Variants in PRKN observed in about 807,000 individuals in gnomAD.
The protein encoded by PRKN is parkin RBR E3 ubiquitin protein ligase.
Under a neutral mutation model 59.5 loss-of-function variants are expected in PRKN, and 56 were observed. That is an observed-to-expected ratio of 0.94 (90% CI 0.76 to 1.18). The LOEUF (loss-of-function observed/expected upper bound fraction) is 1.18. PRKN is among the 50% of genes most tolerant of loss of function. The pLI, the probability that PRKN is intolerant of heterozygous loss-of-function variation, is 0.00. For missense variants in PRKN, 657 were observed against 596.4 expected (o/e 1.10, Z -1.06); for synonymous variants, 250 against 222.1 (o/e 1.13, Z -1.12).
At position 162,663,567 on chromosome 6, in the gene PRKN, G is replaced by A. The variant is rs113363377; in HGVS notation, c.7+64095C>T. 5.1e-3 allele frequency among the ~76,000 whole-genome samples: 781 copies of A among 152,196 alleles called. 7 individuals carry two copies. Among genetic ancestry groups the A allele is most frequent in the African/African-American group, 0.017 (713 of 41,504 alleles). ...TTTTAAAATGTTTTTTAAGACAGGT[G>A]TTAAAAATTACTATGATTAGATTAG... On this transcript the variant is annotated intron_variant, in intron 1 of 11. Transcript: ENST00000366898.
intron 1 of PRKN, among the ~76,000 whole-genome samples, chr6:162,528,077 G>A (rs1778360760): frequency 5.7e-5 from 3 of 53,066 alleles, no homozygotes; most frequent in Admixed American, 1.7e-4. Context: ...GCGGGGGGGC[G>A]GGAGGGGTGC....
At chr6:162,147,147 G>A (rs1282265396) in intron 4 of PRKN, among the ~76,000 whole-genome samples, 1 of 150,722 alleles carries the variant, frequency 6.6e-6, no homozygotes, top group African/African-American at 2.4e-5. Flanking sequence ...TCAAGACAAG[G>A]CTGGCCAATA....
chr6:162,692,109 C>T (rs1022685366), intron 1 of PRKN, among the ~76,000 whole-genome samples: 2 of 151,634 alleles, frequency 1.3e-5, no homozygotes, highest in Non-Finnish European at 2.9e-5. Context: ...TTGCCCATGC[C>T]TATGCCTGCA....
intron 3 of PRKN, among the ~76,000 whole-genome samples, chr6:162,213,879 T>C (rs957518379): frequency 2.9e-5 from 4 of 139,932 alleles, no homozygotes; most frequent in African/African-American, 1.1e-4. Context: ...TAAGAAGTAA[T>C]AGAGTCTTAT....
At chr6:161,634,256 C>T (rs959131687) in intron 7 of PRKN, among the ~76,000 whole-genome samples, 1 of 152,158 alleles carries the variant, frequency 6.6e-6, no homozygotes, top group African/African-American at 2.4e-5. Flanking sequence ...AGTAGACACC[C>T]CTGGTGAGCG....
intron 7 of PRKN, among the ~76,000 whole-genome samples, chr6:161,649,091 T>C (rs1409712455): frequency 6.6e-6 from 1 of 152,232 alleles, no homozygotes; most frequent in Non-Finnish European, 1.5e-5. Context: ...AAAGCATTGC[T>C]ACATTTGTCA....
At chr6:162,000,627 T>C (rs1039088064) in intron 5 of PRKN, among the ~76,000 whole-genome samples, 45 of 152,212 alleles carry the variant, frequency 3.0e-4, no homozygotes, top group African/African-American at 1.1e-3. Context: ...ACAGCTGCTT[T>C]TCAAAGAGCT....
chr6:162,098,571 A>G (rs1448475476), intron 4 of PRKN, among the ~76,000 whole-genome samples: 1 of 152,106 alleles, frequency 6.6e-6, no homozygotes, highest in African/African-American at 2.4e-5. Context: ...CTTCATCAAC[A>G]TTTATTTGTA....
At chr6:161,596,286 T>C (rs1781910889) in intron 7 of PRKN, among the ~76,000 whole-genome samples, 1 of 152,130 alleles carries the variant, frequency 6.6e-6, no homozygotes, top group South Asian at 2.1e-4. Context: ...GAGAAACACA[T>C]TACTATGGTT....
chr6:161,831,564 A>G (rs1792499675), intron 6 of PRKN, among the ~76,000 whole-genome samples: 1 of 152,212 alleles, frequency 6.6e-6, no homozygotes, highest in South Asian at 2.1e-4. Context: ...TTTCAAGATG[A>G]TCAACAGTGA....
At chr6:162,120,074 G>T (rs943422991) in intron 4 of PRKN, among the ~76,000 whole-genome samples, 1 of 152,178 alleles carries the variant, frequency 6.6e-6, no homozygotes, top group Non-Finnish European at 1.5e-5. Context: ...CTGGAGCTCA[G>T]TGGCGAGACT....
In PRKN at chr6:161,569,512, C is replaced by T. The variant is rs73782939; in HGVS notation, c.872-96G>A. 1,355 of 1,064,400 alleles carry T rather than the reference C, an allele frequency of 1.3e-3. 21 individuals carry two copies. The African/African-American group carries it at 0.019, about 15-fold the overall frequency. The allele number at this position is 1,064,400 out of a possible 1,614,324, so 65.9% of individuals were successfully genotyped here. On this transcript the variant is annotated intron_variant, in intron 7 of 11. Transcript: ENST00000366898. ...TTATGACTATCAACTGCCAGTGTTG[C>T]CTTTTGGGAGGACACAGACGTGTAC...
At chr6:161,541,913 T>C (rs181614052) in intron 9 of PRKN, among the ~76,000 whole-genome samples, 25 of 152,272 alleles carry the variant, frequency 1.6e-4, no homozygotes, top group Admixed American at 1.6e-3. Context: ...TAGTGGTCTG[T>C]GTTGGGTTAA....
At chr6:161,873,472 C>T (rs1166966957) in intron 6 of PRKN, among the ~76,000 whole-genome samples, 1 of 151,442 alleles carries the variant, frequency 6.6e-6, no homozygotes, top group Non-Finnish European at 1.5e-5. Flanking sequence ...AAATACAATG[C>T]GTATCGGACT....
rs890064454 is a variant in PRKN, at chr6:161,592,826, G to A, written c.872-23410C>T. ...GGGTGCCGCCAGGATAGGAGGGCTGGCGGGAGAGGCAGGAGGTCACCGCAG... is the reference window on the plus strand; with the variant it reads ...GGGTGCCGCCAGGATAGGAGGGCTGACGGGAGAGGCAGGAGGTCACCGCAG... On this transcript the variant is annotated intron_variant, in intron 7 of 11. Coordinates refer to ENST00000366898, the MANE Select transcript of PRKN (RefSeq NM_004562.3). The surrounding 1 kb of genome is among the most constrained non-coding windows in gnomAD (Gnocchi z 4.8). 1.3e-5 allele frequency among the ~76,000 whole-genome samples: 2 copies of A among 152,152 alleles called. No individual in the cohort carries two copies. Among genetic ancestry groups the A allele is most frequent in the Non-Finnish European group, 2.9e-5 (2 of 68,026 alleles).
At chr6:162,099,166 A>C (rs1386357913) in intron 4 of PRKN, among the ~76,000 whole-genome samples, 1 of 152,176 alleles carries the variant, frequency 6.6e-6, no homozygotes, top group Non-Finnish European at 1.5e-5. Context: ...CTTTAAATTC[A>C]GCTTGAGGTT....
chr6:162,265,719 T>C (rs1780099167), intron 2 of PRKN, among the ~76,000 whole-genome samples: 1 of 152,140 alleles, frequency 6.6e-6, no homozygotes, highest in South Asian at 2.1e-4. Context: ...CTTCTACCTG[T>C]TCACACATGG....
chr6:162,237,524 CT>C lies in PRKN; in HGVS notation c.412+25000del, dbSNP rs200786914. On this transcript the variant is annotated intron_variant, in intron 3 of 11. Transcript: ENST00000366898. ...AACTTTGTTAGGAATGAGAAGTGCT[CT>C]ACCTATCAACAACAAAGGCAGCCGA... Among the ~76,000 whole-genome samples, 191 of 152,260 alleles carry C rather than the reference CT, an allele frequency of 1.3e-3. 3 individuals are homozygous for C. The East Asian group carries it at 0.034, about 27-fold the overall frequency.
intron 1 of PRKN, among the ~76,000 whole-genome samples, chr6:162,618,837 A>C (rs1782537546): frequency 6.6e-6 from 1 of 152,216 alleles, no homozygotes; most frequent in South Asian, 2.1e-4. Context: ...GAGAAAAACC[A>C]ATACTCGAGC....
Sources: allele counts gnomAD v4.1 joint callset (sites outside exome capture counted in the v4.1 genomes callset), GRCh38; gene constraint gnomAD v4.1.1; non-coding constraint Gnocchi (gnomAD v3.1); transcripts MANE v1.5; gene names NCBI Gene and HGNC (gene_info 2026-07-23, HGNC 2026-07-21).